The following CSMD1 variants were observed in gnomAD, a reference collection of about 807,000 sequenced individuals.
CSMD1 encodes the protein CUB and sushi domain-containing protein 1.
Under a neutral mutation model 417.5 loss-of-function variants are expected in CSMD1, and 213 were observed. That is an observed-to-expected ratio of 0.51 (90% confidence interval 0.46 to 0.57). The LOEUF (loss-of-function observed/expected upper bound fraction) is 0.57, where lower values mean the gene tolerates loss of function less well. Among genes scored for constraint, CSMD1 ranks in the 20% least tolerant of loss-of-function variants. The pLI is 0.00. For missense variants in CSMD1, 6,923 were observed against 4,529.7 expected, an observed-to-expected ratio of 1.53 and a Z score of -15.17; for synonymous variants, 2,862 against 1,736.8, an observed-to-expected ratio of 1.65 and a Z score of -16.11.
intron 4 of CSMD1, 61 bp downstream of exon 4, chr8:4,031,844 C>A: frequency 7.8e-7 from 1 of 1,279,276 alleles, no homozygotes; most frequent in Non-Finnish European, 1.1e-6. Flanking sequence ...TTCATAAAAG[C>A]ATCTCCAAAA....
intron 12 of CSMD1, among the ~76,000 whole-genome samples, chr8:3,428,337 A>C (rs1563378868): frequency 1.3e-5 from 2 of 152,184 alleles, no homozygotes; most frequent in Non-Finnish European, 2.9e-5. Context: ...GCCTCAAGAG[A>C]AGCATAACTC....
At chr8:4,731,299 G>A (rs1044760313) in intron 1 of CSMD1, among the ~76,000 whole-genome samples, 2 of 152,096 alleles carry the variant, frequency 1.3e-5, no homozygotes, top group African/African-American at 2.4e-5. Flanking sequence ...CATGGGATCC[G>A]TCTTTGGAAT....
intron 9 of CSMD1, among the ~76,000 whole-genome samples, chr8:3,584,997 A>G (rs1800536824): frequency 6.6e-6 from 1 of 152,202 alleles, no homozygotes; most frequent in Admixed American, 6.5e-5. Context: ...TTCCTGGACC[A>G]GAGATTGCTG....
At chr8:3,351,468 A>C (rs887828018) in intron 21 of CSMD1, among the ~76,000 whole-genome samples, 1 of 151,794 alleles carries the variant, frequency 6.6e-6, no homozygotes, top group Non-Finnish European at 1.5e-5. Flanking sequence ...AAAATTAGCT[A>C]GGCGTGGTGG....
chr8:4,152,073 G>A (rs544887164), intron 3 of CSMD1, among the ~76,000 whole-genome samples: 1 of 151,942 alleles, frequency 6.6e-6, no homozygotes, highest in Admixed American at 6.6e-5. Context: ...CCTTTATTAA[G>A]AACTTTCCCA....
At chr8:3,024,300 G>GT (rs1809689124) in intron 51 of CSMD1, among the ~76,000 whole-genome samples, 2 of 149,454 alleles carry the variant, frequency 1.3e-5, no homozygotes, top group African/African-American at 4.9e-5. Context: ...TTTTTTTGGG[G>GT]GGGGAGGGCA....
chr8:3,259,536 A>T (rs1195592257), intron 26 of CSMD1, among the ~76,000 whole-genome samples: 1 of 152,218 alleles, frequency 6.6e-6, no homozygotes, highest in Non-Finnish European at 1.5e-5. Flanking sequence ...GGGGTAGGTT[A>T]TTTTATTTAA....
intron 5 of CSMD1, among the ~76,000 whole-genome samples, chr8:3,862,537 T>C (rs1804788087): frequency 6.6e-6 from 1 of 152,222 alleles, no homozygotes; most frequent in Non-Finnish European, 1.5e-5. Flanking sequence ...AAAATTCACC[T>C]TTTCTTTGAG....
At chr8:3,309,694 T>C (rs1335236224) in intron 23 of CSMD1, among the ~76,000 whole-genome samples, 1 of 152,034 alleles carries the variant, frequency 6.6e-6, no homozygotes, top group Admixed American at 6.5e-5. Context: ...TTTGAATGCT[T>C]TCTTTTCTCA....
intron 5 of CSMD1, among the ~76,000 whole-genome samples, chr8:3,805,335 A>C (rs746653583): frequency 7.2e-5 from 11 of 152,116 alleles, no homozygotes; most frequent in Non-Finnish European, 1.6e-4. Flanking sequence ...AGAAGCTACA[A>C]CTTTTTCCAG....
intron 5 of CSMD1, among the ~76,000 whole-genome samples, chr8:3,934,003 C>T (rs146211560): frequency 1.3e-5 from 2 of 152,250 alleles, no homozygotes; most frequent in East Asian, 1.9e-4. Context: ...GGCAAATATT[C>T]GCCTAAGGCC....
At chr8:3,504,602 T>C (rs1165065836) in intron 10 of CSMD1, among the ~76,000 whole-genome samples, 5 of 152,222 alleles carry the variant, frequency 3.3e-5, no homozygotes, top group Non-Finnish European at 5.9e-5. Context: ...CGAGTCTTTA[T>C]AACCAAGAAA....
At chr8:3,041,227 A>AT (rs1811069368) in intron 50 of CSMD1, among the ~76,000 whole-genome samples, 1 of 152,196 alleles carries the variant, frequency 6.6e-6, no homozygotes, top group South Asian at 2.1e-4. Context: ...AAATTCTCAA[A>AT]TATTATTTTA....
chr8:4,773,755 A>G (rs1186033386), intron 1 of CSMD1, among the ~76,000 whole-genome samples: 1 of 152,214 alleles, frequency 6.6e-6, no homozygotes, highest in Non-Finnish European at 1.5e-5. Context: ...ATACTGATAT[A>G]ATCATATTAA....
intron 3 of CSMD1, among the ~76,000 whole-genome samples, chr8:4,128,921 C>A (rs902791587): frequency 6.6e-6 from 1 of 151,842 alleles, no homozygotes; most frequent in Non-Finnish European, 1.5e-5. Context: ...TTTAAGAATT[C>A]CTGTTTTAGC....
intron 1 of CSMD1, among the ~76,000 whole-genome samples, chr8:4,702,883 TA>T (rs1744210421): frequency 6.6e-6 from 1 of 152,186 alleles, no homozygotes; most frequent in Non-Finnish European, 1.5e-5. Context: ...TAAAAGTCTC[TA>T]AAAAGTTAAT....
At chr8:4,626,400 T>C (rs554677154) in intron 2 of CSMD1, among the ~76,000 whole-genome samples, 1 of 152,100 alleles carries the variant, frequency 6.6e-6, no homozygotes, top group Non-Finnish European at 1.5e-5. Context: ...ATAAAGTATG[T>C]GGAAGGAAGT....
rs73661021 is a variant in CSMD1 at position 3,913,439 on chromosome 8, G to A, written c.818+84464C>T. Among the ~76,000 whole-genome samples, 1,462 of 152,206 alleles carry A rather than the reference G, an allele frequency of 9.6e-3. 28 individuals are homozygous for A. Among genetic ancestry groups the A allele is most frequent in the African/African-American group, 0.033 (1,358 of 41,516 alleles). On this transcript the variant is annotated intron_variant, in intron 5 of 69. Transcript: ENST00000635120. ...GGGATGTGTCCCAGAAGCAACCAGC[G>A]AAGGGAAATGTAACCTCCAGACTGG... is the stretch of plus-strand genomic sequence containing the variant.
At chr8:3,081,886 G>C (rs1470879103) in intron 49 of CSMD1, among the ~76,000 whole-genome samples, 2 of 152,144 alleles carry the variant, frequency 1.3e-5, no homozygotes, top group East Asian at 1.9e-4. Flanking sequence ...CTTAGCCTCA[G>C]AGTCACTACT....
Sources: allele counts gnomAD v4.1 joint callset (sites outside exome capture counted in the v4.1 genomes callset), GRCh38; gene constraint gnomAD v4.1.1; transcripts MANE v1.5; gene names NCBI Gene and HGNC (gene_info 2026-07-23, HGNC 2026-07-21).